SSBP2: variants seen among roughly 807,000 people sequenced by gnomAD.
SSBP2 encodes the protein single stranded DNA binding protein 2.
In SSBP2, 17 loss-of-function variants were observed where a neutral mutation model predicts 61.8. The ratio of observed to expected loss-of-function variants is 0.28; its 90% CI spans 0.19 to 0.41. SSBP2 has a LOEUF of 0.41. SSBP2 is among the 10% of genes least tolerant of loss of function. The probability of loss-of-function intolerance (pLI) is 1.00; values close to 1 mark genes in which losing one functional copy is unlikely to be tolerated. For missense variants in SSBP2, 310 were observed against 458.7 expected, an observed-to-expected ratio of 0.68 and a Z score of 2.96; for synonymous variants, 139 against 141.3, an observed-to-expected ratio of 0.98 and a Z score of 0.12.
At chr5:81,575,030 G>A (rs2153455878) in intron 4 of SSBP2, among the ~76,000 whole-genome samples, 1 of 152,330 alleles carries the variant, frequency 6.6e-6, no homozygotes, top group East Asian at 1.9e-4. Context: ...AGCACTTTGG[G>A]AGGCCAAGGC....
chr5:81,670,119 A>C (rs1016082119), intron 1 of SSBP2, among the ~76,000 whole-genome samples: 2 of 152,192 alleles, frequency 1.3e-5, no homozygotes, highest in Non-Finnish European at 2.9e-5. Flanking sequence ...CAAAACTCAT[A>C]GAATGCACAC....
intron 2 of SSBP2, among the ~76,000 whole-genome samples, chr5:81,650,006 A>G (rs1749592045): frequency 6.6e-6 from 1 of 151,990 alleles, no homozygotes; most frequent in African/African-American, 2.4e-5. Flanking sequence ...TGCTTTCTTG[A>G]TTATTGTTGC....
At chr5:81,659,563 C>A (rs189284606) in intron 1 of SSBP2, among the ~76,000 whole-genome samples, 59 of 152,178 alleles carry the variant, frequency 3.9e-4, no homozygotes, top group Non-Finnish European at 7.2e-4. Context: ...TAGAAAGAAT[C>A]ATTATCATGA....
chr5:81,701,697 T>C (rs1206054542), intron 1 of SSBP2, among the ~76,000 whole-genome samples: 1 of 152,092 alleles, frequency 6.6e-6, no homozygotes, highest in East Asian at 1.9e-4. Context: ...CCCTCCAAAA[T>C]ACAAAAGCAC....
At chr5:81,714,008 T>C (rs1397274146) in intron 1 of SSBP2, among the ~76,000 whole-genome samples, 1 of 152,126 alleles carries the variant, frequency 6.6e-6, no homozygotes, top group Non-Finnish European at 1.5e-5. Flanking sequence ...GCTGCACCCA[T>C]CAACCCGTCA....
intron 4 of SSBP2, among the ~76,000 whole-genome samples, chr5:81,551,168 A>G (rs1431649495): frequency 2.6e-5 from 4 of 152,058 alleles, no homozygotes; most frequent in Non-Finnish European, 5.9e-5. Flanking sequence ...CTAGGAATCA[A>G]TTGCTTTTCA....
rs572342868 is a variant in SSBP2, at chr5:81,594,056, A to G, written c.282+21417T>C. 1.9e-4 allele frequency among the ~76,000 whole-genome samples: 28 copies of G among 150,890 alleles called. No individual in the cohort carries two copies. In the South Asian group the frequency reaches 2.3e-3, roughly 12 times the overall value. On this transcript the variant is annotated intron_variant, in intron 4 of 16. Coordinates refer to ENST00000320672, the MANE Select transcript of SSBP2 (RefSeq NM_012446.5). ...AAAGACACAGACTGGCAAATTGGAT[A>G]AAGAGTCAACACCCATCAGTGTGCT...
chr5:81,428,666 C>G lies in SSBP2; in HGVS notation c.975G>C (p.Met325Ile), dbSNP rs1266233540. 1 of 1,612,898 alleles carries G rather than the reference C, an allele frequency of 6.2e-7. No homozygotes were observed. Residue 325 changes from methionine to isoleucine, a missense_variant, in exon 16 of 17, where the codon ATG becomes ATC. Transcript: ENST00000320672. ...GAGTGCCCGGTTGATTACTCAGGCT[C>G]ATATTATTGGGAGAATTCTGTAAAC...
intron 12 of SSBP2, 44 bp from the exon 13 acceptor site, chr5:81,442,767 A>G (rs772185050): frequency 9.6e-7 from 1 of 1,046,354 alleles, no homozygotes; most frequent in Non-Finnish European, 1.4e-6. Flanking sequence ...TTTAGAGTCT[A>G]TACCCAATTC....
intron 3 of SSBP2, among the ~76,000 whole-genome samples, 199 bp from the exon 4 acceptor site, chr5:81,615,756 T>A: frequency 6.6e-6 from 1 of 152,228 alleles, no homozygotes. Flanking sequence ...TCAGAAATGC[T>A]AAATAAGACT....
chr5:81,751,267 C>G (rs1188154518), upstream of SSBP2: 2 of 580,938 alleles, frequency 3.4e-6, no homozygotes, highest in African/African-American at 3.8e-5. Flanking sequence ...GCGGCAGTCT[C>G]CTCCCTCCTT....
chr5:81,590,896 G>T (rs940263633), intron 4 of SSBP2, among the ~76,000 whole-genome samples: 10 of 152,154 alleles, frequency 6.6e-5, no homozygotes, highest in African/African-American at 1.7e-4. Context: ...AAACCAGGAC[G>T]TCCCCTAACT....
intron 4 of SSBP2, among the ~76,000 whole-genome samples, chr5:81,605,668 C>G (rs1428203272): frequency 6.6e-6 from 1 of 151,964 alleles, no homozygotes; most frequent in Non-Finnish European, 1.5e-5. Context: ...TTTAGTCTTG[C>G]TATTACTTTA....
At chr5:81,577,165 T>C (rs1052317406) in intron 4 of SSBP2, among the ~76,000 whole-genome samples, 1 of 152,108 alleles carries the variant, frequency 6.6e-6, no homozygotes, top group African/African-American at 2.4e-5. Flanking sequence ...TGCAGATTTA[T>C]GTCTTTTTAC....
At chr5:81,699,678 G>C (rs1753833384) in intron 1 of SSBP2, among the ~76,000 whole-genome samples, 1 of 152,088 alleles carries the variant, frequency 6.6e-6, no homozygotes, top group African/African-American at 2.4e-5. Context: ...ACGAGGGTTG[G>C]AATCAGCTTC....
In SSBP2 at chr5:81,437,816, A is replaced by G. The variant is rs188930567; in HGVS notation, c.929-358T>C. The G allele has an allele frequency of 7.8e-4, 120 of 153,782 alleles. 4 individuals are homozygous for G. In the East Asian group the frequency reaches 0.021, roughly 27 times the overall value. The allele number at this position is 153,782 out of a possible 1,614,324, so 9.5% of individuals were successfully genotyped here. ...ATAACATATATAGAGATATCTACATATATTTTTTGAAAATGATGCTGTAAA... is the reference window on the plus strand; with the variant it reads ...ATAACATATATAGAGATATCTACATGTATTTTTTGAAAATGATGCTGTAAA... On this transcript the variant is annotated intron_variant, in intron 14 of 16. Coordinates refer to ENST00000320672, the MANE Select transcript of SSBP2 (RefSeq NM_012446.5).
chr5:81,625,456 G>C (rs976831534), intron 3 of SSBP2, among the ~76,000 whole-genome samples: 1 of 151,988 alleles, frequency 6.6e-6, no homozygotes, highest in East Asian at 1.9e-4. Context: ...AAATGTAATG[G>C]GTTCATCATC....
intron 1 of SSBP2, among the ~76,000 whole-genome samples, chr5:81,724,906 G>A (rs907770617): frequency 6.6e-6 from 1 of 152,048 alleles, no homozygotes; most frequent in Non-Finnish European, 1.5e-5. Context: ...TATTCAAGAC[G>A]CTCCTATTGA....
intron 2 of SSBP2, among the ~76,000 whole-genome samples, chr5:81,641,271 A>G (rs999555344): frequency 2.6e-5 from 4 of 152,192 alleles, no homozygotes; most frequent in Non-Finnish European, 5.9e-5. Flanking sequence ...TTTGTATTTG[A>G]TATGGTCTTT....
Sources: gnomAD v4.1 joint callset for allele counts (sites outside exome capture counted in the v4.1 genomes callset) on GRCh38, gnomAD v4.1.1 for gene constraint, MANE v1.5 for transcripts, NCBI Gene and HGNC (gene_info 2026-07-23, HGNC 2026-07-21) for gene names.